CDH4: variants seen among roughly 807,000 people sequenced by gnomAD.
CDH4 encodes the protein cadherin 4, also known as cadherin-4.
In CDH4, 33 loss-of-function variants were observed where a neutral mutation model predicts 86.0. The ratio of observed to expected loss-of-function variants is 0.38; its 90% CI spans 0.29 to 0.51. The LOEUF (loss-of-function observed/expected upper bound fraction) is 0.51. CDH4 is among the 20% of genes least tolerant of loss of function. CDH4 has a pLI of 0.86. For synonymous variants in CDH4, 555 were observed against 549.4 expected, an observed-to-expected ratio of 1.01 and a Z score of -0.14; for missense variants, 1,114 against 1,307.4, an observed-to-expected ratio of 0.85 and a Z score of 2.28.
intron 2 of CDH4, among the ~76,000 whole-genome samples, chr20:61,548,983 C>T (rs141385971): frequency 5.3e-5 from 8 of 151,714 alleles, no homozygotes; most frequent in African/African-American, 1.9e-4. Flanking sequence ...CTTCGGGTCT[C>T]GGGGGGAGAG....
At chr20:61,320,715 G>C (rs11905237) in intron 2 of CDH4, among the ~76,000 whole-genome samples, 31,730 of 151,652 alleles carry the variant, frequency 0.21, 3,616 homozygotes, top group Middle Eastern at 0.39. Flanking sequence ...CTGAGGTCGA[G>C]GAAGCCTGGC....
chr20:61,724,679 CTTGT>C (rs2088089243), intron 2 of CDH4, among the ~76,000 whole-genome samples: 1 of 152,274 alleles, frequency 6.6e-6, no homozygotes, highest in South Asian at 2.1e-4. Flanking sequence ...AAGATTCTGT[CTTGT>C]AGTCCTTGCC....
chr20:61,670,111 C>A (rs552277847), intron 2 of CDH4, among the ~76,000 whole-genome samples: 2 of 152,320 alleles, frequency 1.3e-5, no homozygotes. Flanking sequence ...GGCAATAAAA[C>A]CATAGCTCCG....
At chr20:61,896,345 G>C (rs528980406) in intron 8 of CDH4, among the ~76,000 whole-genome samples, 3 of 152,246 alleles carry the variant, frequency 2.0e-5, no homozygotes, top group Non-Finnish European at 4.4e-5. Flanking sequence ...TAAGGCCAGA[G>C]CCCCTCGCCA....
At chr20:61,491,240 G>A (rs1274682851) in intron 2 of CDH4, among the ~76,000 whole-genome samples, 1 of 152,216 alleles carries the variant, frequency 6.6e-6, no homozygotes, top group African/African-American at 2.4e-5. Flanking sequence ...TTTTCTCTGT[G>A]TTAAGTTGGG....
At chr20:61,381,627 G>A (rs535784729) in intron 2 of CDH4, among the ~76,000 whole-genome samples, 4 of 152,206 alleles carry the variant, frequency 2.6e-5, no homozygotes, top group Admixed American at 6.5e-5. Context: ...AGGGCAGTCC[G>A]CAGAATGTCC....
chr20:61,288,895 G>T (rs932006795), intron 2 of CDH4, among the ~76,000 whole-genome samples: 2 of 152,244 alleles, frequency 1.3e-5, no homozygotes, highest in Non-Finnish European at 2.9e-5. Context: ...TTCTGAGGCG[G>T]AAGTCATAGG....
intron 6 of CDH4, among the ~76,000 whole-genome samples, chr20:61,861,993 G>A (rs988464136): frequency 3.9e-5 from 6 of 152,186 alleles, no homozygotes; most frequent in South Asian, 2.1e-4. Flanking sequence ...GGAAGCAAAC[G>A]TCCCAGGCCA....
At chr20:61,816,913 A>G (rs4925299) in intron 4 of CDH4, among the ~76,000 whole-genome samples, 62,623 of 152,172 alleles carry the variant, frequency 0.41, 15,766 homozygotes, top group Non-Finnish European at 0.57. Context: ...TGTGCCACCC[A>G]TTCTCATTTC....
At chr20:61,562,364 G>T (rs867488528) in intron 2 of CDH4, among the ~76,000 whole-genome samples, 2 of 138,928 alleles carry the variant, frequency 1.4e-5, no homozygotes, top group African/African-American at 2.7e-5. Context: ...AGGGACCTCC[G>T]TGTGGAGAGG....
chr20:61,681,876 G>A lies in CDH4; in HGVS notation c.170-61687G>A, dbSNP rs1600869215. Among the ~76,000 whole-genome samples, 1 of 152,322 alleles carries A rather than the reference G, an allele frequency of 6.6e-6. No individual in the cohort carries two copies. The highest frequency in any genetic ancestry group is 6.5e-5 in the Admixed American group (1 of 15,298). On this transcript the variant is annotated intron_variant, in intron 2 of 15. Transcript: ENST00000614565. The surrounding 1 kb of genome is among the most constrained non-coding windows in gnomAD (Gnocchi z 4.5). Reference sequence around the variant, plus strand: ...GTGTGGTGTATACGGGAGCAAGCAGGTTCAGCAGAAAATGACGTGATGCCA... The same window carrying A: ...GTGTGGTGTATACGGGAGCAAGCAGATTCAGCAGAAAATGACGTGATGCCA...
At chr20:61,698,736 A>AC (rs546075083) in intron 2 of CDH4, among the ~76,000 whole-genome samples, 106 of 151,692 alleles carry the variant, frequency 7.0e-4, no homozygotes, top group African/African-American at 2.4e-3. Flanking sequence ...CACCCAGTAG[A>AC]CCCCCCCGCA....
At chr20:61,706,374 C>A (rs1487273223) in intron 2 of CDH4, among the ~76,000 whole-genome samples, 1 of 152,164 alleles carries the variant, frequency 6.6e-6, no homozygotes, top group Admixed American at 6.5e-5. Context: ...GAGGCACCGA[C>A]AACTGACAGA....
chr20:61,553,980 C>A (rs1451629117), intron 2 of CDH4, among the ~76,000 whole-genome samples: 1 of 152,168 alleles, frequency 6.6e-6, no homozygotes, highest in Non-Finnish European at 1.5e-5. Flanking sequence ...AGGTCCCTGT[C>A]CTAGGAGCTG....
chr20:61,476,282 T>C (rs1019787331), intron 2 of CDH4, among the ~76,000 whole-genome samples: 2 of 152,232 alleles, frequency 1.3e-5, no homozygotes, highest in Non-Finnish European at 1.5e-5. Flanking sequence ...TGAGGAGGCA[T>C]GCGCCCTGGT....
intron 2 of CDH4, among the ~76,000 whole-genome samples, chr20:61,553,787 A>T (rs1355757087): frequency 6.6e-6 from 1 of 152,186 alleles, no homozygotes; most frequent in Admixed American, 6.5e-5. Flanking sequence ...CCCCTGTCCC[A>T]TGAGGTTCCC....
chr20:61,497,891 G>A (rs182166150), intron 2 of CDH4, among the ~76,000 whole-genome samples: 78 of 152,082 alleles, frequency 5.1e-4, no homozygotes, highest in East Asian at 3.7e-3. Flanking sequence ...AAAAGGATGC[G>A]TTCATGTCCT....
Position 61,769,212 on chromosome 20 carries a change from C to T in CDH4, c.397-3791C>T, listed in dbSNP as rs572317176. 1.7e-4 allele frequency among the ~76,000 whole-genome samples: 26 copies of T among 152,318 alleles called. 1 individual carries two copies. The South Asian group carries it at 5.0e-3, about 29-fold the overall frequency. On this transcript the variant is annotated intron_variant, in intron 3 of 15. Coordinates refer to ENST00000614565, the MANE Select transcript of CDH4 (RefSeq NM_001794.5). ...CCCCAATTGCCTGTGGGCTGGGAGA[C>T]GCCCTGTTCTCCAACTGCAGAACAT...
At chr20:61,328,985 C>T (rs1310019280) in intron 2 of CDH4, among the ~76,000 whole-genome samples, 1 of 152,174 alleles carries the variant, frequency 6.6e-6, no homozygotes, top group African/African-American at 2.4e-5. Flanking sequence ...AGCATCATGG[C>T]TTAGCCTAGC....
Sources: allele counts gnomAD v4.1 joint callset (sites outside exome capture counted in the v4.1 genomes callset), GRCh38; gene constraint gnomAD v4.1.1; non-coding constraint Gnocchi (gnomAD v3.1); transcripts MANE v1.5; gene names NCBI Gene and HGNC (gene_info 2026-07-23, HGNC 2026-07-21).